The following DRD2 variants were observed in gnomAD, a reference collection of about 807,000 sequenced individuals.
DRD2 encodes D(2) dopamine receptor.
Under a neutral mutation model 38.0 loss-of-function variants are expected in DRD2, and 8 were observed. The observed-to-expected ratio is 0.21, with a 90% CI of 0.12 to 0.38. DRD2 has a LOEUF of 0.38. Ranked by LOEUF, DRD2 falls within the 10% of genes least tolerant of loss-of-function variation. The pLI is 1.00. For missense variants in DRD2, 403 were observed against 607.7 expected (o/e 0.66, Z 3.54); for synonymous variants, 230 against 238.6 (o/e 0.96, Z 0.33).
chr11:113,432,705 G>A (rs1467113029), intron 1 of DRD2, among the ~76,000 whole-genome samples: 6 of 152,034 alleles, frequency 3.9e-5, no homozygotes, highest in South Asian at 2.1e-4. Context: ...GGGAGTGAGT[G>A]GGTAAGAGGT....
At chr11:113,417,976 G>A (rs749245915) in intron 3 of DRD2, 51 bp downstream of exon 3, 85 of 1,496,518 alleles carry the variant, frequency 5.7e-5, no homozygotes, top group Non-Finnish European at 7.7e-5. Context: ...AGCTGGGGCA[G>A]CCAGAATGGT....
chr11:113,416,768 C>T (rs868115222), intron 4 of DRD2, 95 bp downstream of exon 4: 30 of 1,539,116 alleles, frequency 1.9e-5, no homozygotes, highest in Middle Eastern at 1.7e-4. Context: ...GGCCTCCACC[C>T]ATATCTGTGC....
intron 1 of DRD2, among the ~76,000 whole-genome samples, chr11:113,426,059 G>A (rs182567015): frequency 6.6e-6 from 1 of 152,228 alleles, no homozygotes; most frequent in East Asian, 1.9e-4. Context: ...TGTTTTGGCT[G>A]TAATTTAGGT....
chr11:113,452,273 A>C (rs1177904011), intron 1 of DRD2, among the ~76,000 whole-genome samples: 1 of 152,206 alleles, frequency 6.6e-6, no homozygotes, highest in African/African-American at 2.4e-5. Context: ...TCTGACAGCC[A>C]AGGGGCCGGT....
At chr11:113,421,987 C>T (rs1173903152) in intron 2 of DRD2, among the ~76,000 whole-genome samples, 4 of 152,090 alleles carry the variant, frequency 2.6e-5, no homozygotes, top group South Asian at 2.1e-4. Context: ...AGGATCTGTT[C>T]GAAAGACTTA....
rs200907369 is a variant in DRD2 at position 113,410,566 on chromosome 11, G to C, written c.*161C>G. 7 of 899,174 alleles carry C rather than the reference G, an allele frequency of 7.8e-6. No individual in the cohort carries two copies. The highest frequency in any genetic ancestry group is 1.2e-5 in the Non-Finnish European group (7 of 560,812). The allele number at this position is 899,174 out of a possible 1,614,324, so 55.7% of individuals were successfully genotyped here. On this transcript the variant is annotated 3_prime_UTR_variant, in exon 8 of 8. Coordinates refer to ENST00000362072, the MANE Select transcript of DRD2 (RefSeq NM_000795.4). ...CTGCCCTGGCAGAGTGAGGGTGTGC[G>C]GGCAGTGAGGAGCATGGAGCCAAGC...
At position 113,409,883 on chromosome 11, in the gene DRD2, CT is replaced by C; in HGVS notation, c.*843del. On this transcript the variant is annotated 3_prime_UTR_variant, in exon 8 of 8. Coordinates refer to ENST00000362072, the MANE Select transcript of DRD2 (RefSeq NM_000795.4). ...TGGCAGAGGCAGTCCCTCAAAGAAC[CT>C]CTGATGTCCCCTAGCCCAGGCCCAG... The C allele has an allele frequency of 6.6e-6, 1 of 152,606 alleles. No homozygotes were observed. The highest frequency in any genetic ancestry group is 1.5e-5 in the Non-Finnish European group (1 of 68,196). The allele number at this position is 152,606 out of a possible 1,614,324, so 9.5% of individuals were successfully genotyped here.
chr11:113,453,086 T>C (rs1951231882), intron 1 of DRD2, among the ~76,000 whole-genome samples: 1 of 152,186 alleles, frequency 6.6e-6, no homozygotes, highest in South Asian at 2.1e-4. Context: ...GCAAGTTACT[T>C]AATCTCCATC....
At chr11:113,424,031 C>T (rs1321188513) in intron 2 of DRD2, among the ~76,000 whole-genome samples, 4 of 152,200 alleles carry the variant, frequency 2.6e-5, no homozygotes, top group Non-Finnish European at 5.9e-5. Flanking sequence ...GCAGCAGTTA[C>T]TTAACATCTC....
intron 1 of DRD2, among the ~76,000 whole-genome samples, chr11:113,428,095 A>T (rs1396723477): frequency 1.3e-5 from 2 of 152,208 alleles, no homozygotes; most frequent in Non-Finnish European, 2.9e-5. Flanking sequence ...ATGAGGAAAC[A>T]GATTTCTGTT....
chr11:113,415,468 T>G lies in DRD2; in HGVS notation c.676A>C (p.Lys226Gln). 6.2e-7 allele frequency: 1 copy of G among 1,614,096 alleles called. No individual in the cohort carries two copies. Among genetic ancestry groups the G allele is most frequent in the Non-Finnish European group, 8.5e-7 (1 of 1,180,006 alleles). The stretch of plus-strand genomic sequence containing the variant: ...GCCCTGAAAGCTCGGCTGCTGCGTT[T>G]GGTGTTGACTCGCTTGCGGCGTCTG... ...LRRRRKRVNT[K>Q]RSSRAFRAHL... Residue 226 changes from lysine (K) to glutamine (Q), a missense_variant, in exon 5 of 8, where the codon AAA becomes CAA. Physicochemically the swap from Lys to Gln is moderately conservative, Grantham distance 53 (BLOSUM62 1). This residue lies in a region of DRD2 where 166 missense variants were observed against 178.6 expected (regional missense o/e 0.93). Coordinates refer to ENST00000362072, the MANE Select transcript of DRD2 (RefSeq NM_000795.4).
At chr11:113,427,674 T>C (rs1166385545) in intron 1 of DRD2, among the ~76,000 whole-genome samples, 1 of 152,124 alleles carries the variant, frequency 6.6e-6, no homozygotes, top group Non-Finnish European at 1.5e-5. Flanking sequence ...CCTGCTAACA[T>C]AGGCTACCAG....
At chr11:113,411,318 C>T (rs1950767544) in intron 7 of DRD2, among the ~76,000 whole-genome samples, 1 of 152,204 alleles carries the variant, frequency 6.6e-6, no homozygotes, top group Non-Finnish European at 1.5e-5. Flanking sequence ...ATAAGAAAAA[C>T]ACTCACAACA....
intron 6 of DRD2, 56 bp downstream of exon 6, chr11:113,414,319 T>C (rs1207784285): frequency 1.3e-6 from 2 of 1,542,372 alleles, no homozygotes; most frequent in African/African-American, 2.7e-5. Context: ...CCATGGCCAG[T>C]GGGCTTCCCT....
At chr11:113,464,889 C>A (rs140112923) in intron 1 of DRD2, among the ~76,000 whole-genome samples, 1 of 152,194 alleles carries the variant, frequency 6.6e-6, no homozygotes, top group African/African-American at 2.4e-5. Flanking sequence ...CTTAAATCAT[C>A]CTTGGCTTCT....
At chr11:113,412,484 G>T (rs902432442) in intron 7 of DRD2, 72 bp downstream of exon 7, 4 of 1,565,338 alleles carry the variant, frequency 2.6e-6, no homozygotes, top group Non-Finnish European at 3.5e-6. Flanking sequence ...TGCAGCCATG[G>T]TTAGGAAGGA....
chr11:113,452,435 C>CGTGTGTGT (rs759448996), intron 1 of DRD2, among the ~76,000 whole-genome samples: 1,372 of 130,286 alleles, frequency 0.011, 8 homozygotes, highest in East Asian at 0.014. Context: ...GGTGTGCATG[C>CGTGTGTGT]GTGTGTGTGT....
chr11:113,421,523 C>T (rs1332642342), intron 2 of DRD2, among the ~76,000 whole-genome samples: 3 of 152,174 alleles, frequency 2.0e-5, no homozygotes, highest in Admixed American at 2.0e-4. Context: ...ATGTGGACAT[C>T]AGGAACTCTT....
chr11:113,474,824 G>A (rs1428394403), intron 1 of DRD2, among the ~76,000 whole-genome samples: 1 of 152,102 alleles, frequency 6.6e-6, no homozygotes, highest in African/African-American at 2.4e-5. Context: ...TGCTCGGGGA[G>A]AGGATTCCCT....
Sources: gnomAD v4.1 joint callset for allele counts (sites outside exome capture counted in the v4.1 genomes callset) on GRCh38, gnomAD v4.1.1 for gene constraint, gnomAD v4.1.1 regional missense constraint, MANE v1.5 for transcripts, NCBI Gene and HGNC (gene_info 2026-07-23, HGNC 2026-07-21) for gene names.